The following TKT variants were observed in gnomAD, a reference collection of about 807,000 sequenced individuals.
TKT encodes epididymis luminal protein 107.
TKT carries 47 observed loss-of-function variants against 63.9 expected under a neutral mutation model. That is an observed-to-expected ratio of 0.74 (90% CI 0.58 to 0.94). The LOEUF is 0.94. Ranked by LOEUF, TKT falls within the 40% of genes least tolerant of loss-of-function variation. The pLI, the probability that TKT is intolerant of heterozygous loss-of-function variation, is 0.00. For synonymous variants in TKT, 338 were observed against 334.1 expected, an observed-to-expected ratio of 1.01 and a Z score of -0.13; for missense variants, 721 against 846.2, an observed-to-expected ratio of 0.85 and a Z score of 1.84.
chr3:53,243,912 A>G lies in TKT; in HGVS notation c.108-1670T>C, dbSNP rs112858267. On this transcript the variant is annotated intron_variant, in intron 1 of 13. Coordinates refer to ENST00000462138, the MANE Select transcript of TKT (RefSeq NM_001064.4). Reference sequence around the variant, plus strand: ...GGGCCAAACTGTTCCGGGGAAGAACAAGGACGGTAAGTGCAGGGCTCCACC... The same window carrying G: ...GGGCCAAACTGTTCCGGGGAAGAACGAGGACGGTAAGTGCAGGGCTCCACC... 3.8e-3 allele frequency among the ~76,000 whole-genome samples: 579 copies of G among 152,346 alleles called. 4 individuals carry two copies. The highest frequency in any genetic ancestry group is 0.013 in the African/African-American group (538 of 41,588).
intron 6 of TKT, 200 bp from the exon 7 acceptor site, chr3:53,231,750 C>T (rs11130362): frequency 0.25 from 144,450 of 579,596 alleles, 19,118 homozygotes; most frequent in South Asian, 0.36. Flanking sequence ...TACGTGCCCA[C>T]CACTCACTGT....
At chr3:53,254,611 C>T (rs1244964443) in intron 1 of TKT, among the ~76,000 whole-genome samples, 4 of 152,238 alleles carry the variant, frequency 2.6e-5, no homozygotes, top group African/African-American at 9.6e-5. Context: ...AATCATCCAT[C>T]ACGCAGCCCT....
chr3:53,247,378 A>AAAAAAT (rs1553681097), intron 1 of TKT, among the ~76,000 whole-genome samples: 2 of 147,558 alleles, frequency 1.4e-5, no homozygotes, highest in Non-Finnish European at 3.0e-5. Context: ...AAAAAAAAAA[A>AAAAAAT]TTTAGAAGAG....
At chr3:53,231,812 G>C in intron 6 of TKT, 1 of 498,582 alleles carries the variant, frequency 2.0e-6, no homozygotes, top group Non-Finnish European at 3.6e-6. Flanking sequence ...GGAGGGGCCA[G>C]ACGTGGGCAG....
In TKT at chr3:53,225,811, C is replaced by CCAAA. The variant is rs782360026; in HGVS notation, c.1813_1816dup (p.Gly606ValfsTer24). 1.9e-6 allele frequency: 3 copies of CCAAA among 1,614,062 alleles called. No homozygotes were observed. The highest frequency in any genetic ancestry group is 2.5e-6 in the Non-Finnish European group (3 of 1,179,976). ...TTGTGCAATGGCATCCCTGTCGATACCAAACATCTTCAGCAGCTCAGCCGG... is the reference window on the plus strand; with the variant it reads ...TTGTGCAATGGCATCCCTGTCGATACCAAACAAACATCTTCAGCAGCTCAGCCGG... On this transcript the variant is annotated frameshift_variant, in exon 14 of 14. Coordinates refer to ENST00000462138, the MANE Select transcript of TKT (RefSeq NM_001064.4). LOFTEE classifies it high-confidence loss of function.
chr3:53,243,387 C>T (rs150215833), intron 1 of TKT, among the ~76,000 whole-genome samples: 91 of 152,172 alleles, frequency 6.0e-4, no homozygotes, highest in Middle Eastern at 3.4e-3. Context: ...CACGAAGACA[C>T]GCCGCATGCC....
intron 13 of TKT, 144 bp from the exon 14 acceptor site, chr3:53,226,075 A>C: frequency 2.9e-6 from 2 of 701,174 alleles, no homozygotes; most frequent in South Asian, 2.6e-5. Context: ...CCATCACATA[A>C]CTCATTGATT....
At chr3:53,231,150 T>A (rs1337580859) in intron 7 of TKT, among the ~76,000 whole-genome samples, 4 of 152,182 alleles carry the variant, frequency 2.6e-5, no homozygotes, top group African/African-American at 9.7e-5. Flanking sequence ...AGTGGGCAAT[T>A]CCCTTGCCCG....
In TKT at chr3:53,255,848, G is replaced by A. The variant is rs1312554967; in HGVS notation, c.95C>T (p.Ala32Val). 3.3e-6 allele frequency: 5 copies of A among 1,531,700 alleles called. No homozygotes were observed. The highest frequency in any genetic ancestry group is 4.4e-6 in the Non-Finnish European group (5 of 1,138,952). 94.9% of individuals were successfully genotyped at this position (1,531,700 alleles called of 1,614,324 possible). ...LRISSIQATT[A>V]AGSGHPTSCC... ...GCCGCGCACTCACCCAGAGCCCGCCGCAGTGGTGGCCTGGATGGAGCTGAT... is the reference window on the plus strand; with the variant it reads ...GCCGCGCACTCACCCAGAGCCCGCCACAGTGGTGGCCTGGATGGAGCTGAT... Residue 32 changes from alanine (A) to valine (V), a missense_variant, in exon 1 of 14, where the codon GCG (alanine) becomes GTG (valine). Ala to Val is a moderately conservative substitution (Grantham distance 64). Coordinates refer to ENST00000462138, the MANE Select transcript of TKT (RefSeq NM_001064.4).
In TKT at chr3:53,226,626, G is replaced by T. The variant is rs1365355627; in HGVS notation, c.1696+130C>A. 3.7e-6 allele frequency: 5 copies of T among 1,364,740 alleles called. No homozygotes were observed. In the African/African-American group the frequency reaches 7.2e-5, roughly 20 times the overall value. The allele number at this position is 1,364,740 out of a possible 1,614,324, so 84.5% of individuals were successfully genotyped here. On this transcript the variant is annotated intron_variant, in intron 13 of 13. Coordinates refer to ENST00000462138, the MANE Select transcript of TKT (RefSeq NM_001064.4). ...CCTTTTAAGAGACCACGTCCCAGCT[G>T]CTCTGAGGGACAGCTCTGGGTGTTC...
chr3:53,243,203 TGCTTCCTGCTTCCCAG>T (rs1705360476), intron 1 of TKT, among the ~76,000 whole-genome samples: 2 of 152,034 alleles, frequency 1.3e-5, no homozygotes, highest in Non-Finnish European at 2.9e-5. Context: ...AACTTTCTAT[TGCTTCCTGCTTCCCAG>T]CAGGAAGCGC....
chr3:53,252,769 G>A (rs1553681837), intron 1 of TKT, among the ~76,000 whole-genome samples: 1 of 152,006 alleles, frequency 6.6e-6, no homozygotes, highest in Non-Finnish European at 1.5e-5. Flanking sequence ...TATCCACCGC[G>A]GCTGTACCTG....
chr3:53,235,115 G>C lies in TKT; in HGVS notation c.497C>G (p.Ala166Gly). ...CTTATAGATGCTGGCGAAGGCCATG[G>C]CCTCCCATACAGAGCCCTCTGACAG... is the stretch of plus-strand genomic sequence containing the variant. ...GELSEGSVWEAMAFASIYKLD... is the reference protein window; with the variant it reads ...GELSEGSVWEGMAFASIYKLD... Residue 166 changes from alanine to glycine, a missense_variant, in exon 5 of 14, where the codon GCC becomes GGC. Ala to Gly is a moderately conservative substitution (Grantham distance 60). Coordinates refer to ENST00000462138, the MANE Select transcript of TKT (RefSeq NM_001064.4). The C allele has an allele frequency of 6.2e-7, 1 of 1,613,768 alleles. No homozygotes were observed. The highest frequency in any genetic ancestry group is 8.5e-7 in the Non-Finnish European group (1 of 1,180,026).
In TKT at chr3:53,225,885, G is replaced by A; in HGVS notation, c.1743C>T (p.Gly581=). The A allele has an allele frequency of 1.2e-6, 2 of 1,613,856 alleles. No homozygotes were observed. The highest frequency in any genetic ancestry group is 1.7e-6 in the Non-Finnish European group (2 of 1,179,996). ...TAACTGCCAGGTGGGTGACAGTGAT[G>A]CCAGGCTCGCCCACTACTGCACTGG... The part of the protein sequence containing the change: ...AVSSAVVGEP[G]ITVTHLAVNR... Residue 581 remains glycine, a synonymous_variant, in exon 14 of 14, where the codon GGC becomes GGT. Coordinates refer to ENST00000462138, the MANE Select transcript of TKT (RefSeq NM_001064.4).
chr3:53,249,189 C>G (rs1705645426), intron 1 of TKT, among the ~76,000 whole-genome samples: 1 of 146,682 alleles, frequency 6.8e-6, no homozygotes, highest in Non-Finnish European at 1.5e-5. Context: ...TGGGCTGTCT[C>G]GAACTCCTGA....
chr3:53,240,982 A>G, intron 3 of TKT, 150 bp downstream of exon 3: 1 of 649,404 alleles, frequency 1.5e-6, no homozygotes, highest in East Asian at 3.4e-5. Context: ...TGTCCCCAAA[A>G]CACCTGCTTC....
intron 1 of TKT, among the ~76,000 whole-genome samples, chr3:53,248,145 T>C (rs899949907): frequency 2.6e-5 from 4 of 152,162 alleles, no homozygotes; most frequent in East Asian, 3.8e-4. Flanking sequence ...GCACCATGCA[T>C]AGAAATTAGC....
chr3:53,243,462 C>T, intron 1 of TKT: 1 of 395,622 alleles, frequency 2.5e-6, no homozygotes, highest in Non-Finnish European at 5.1e-6. Context: ...CCAATCAGCG[C>T]TCCCACCAGG....
At position 53,228,095 on chromosome 3, in the gene TKT, G is replaced by C. The variant is rs1559645182; in HGVS notation, c.1534C>G (p.Leu512Val). Reference sequence around the variant, plus strand: ...TCGGCAGCGGCCAAGGCCTCGTGCAGGGTCACCCCAGCCCCGATAACGGTC... The same window carrying C: ...TCGGCAGCGGCCAAGGCCTCGTGCACGGTCACCCCAGCCCCGATAACGGTC... The part of the protein sequence containing the change: ...QVTVIGAGVT[L>V]HEALAAAELL... Residue 512 changes from leucine to valine, a missense_variant, in exon 12 of 14, where the codon CTG becomes GTG. Leu to Val is a conservative substitution (Grantham distance 32). Transcript: ENST00000462138. The C allele has an allele frequency of 2.5e-6, 4 of 1,613,616 alleles. No homozygotes were observed. The highest frequency in any genetic ancestry group is 3.4e-6 in the Non-Finnish European group (4 of 1,180,012).
Sources: gnomAD v4.1 joint callset for allele counts (sites outside exome capture counted in the v4.1 genomes callset) on GRCh38, gnomAD v4.1.1 for gene constraint, MANE v1.5 for transcripts, NCBI Gene and HGNC (gene_info 2026-07-23, HGNC 2026-07-21) for gene names.